The following ZFTRAF1 variants were observed in gnomAD, a reference collection of about 807,000 sequenced individuals.
The protein encoded by ZFTRAF1 is zinc finger TRAF-type-containing protein 1.
the ZFTRAF1 span, chr8:144,450,186 G>A: frequency 8.5e-5 from 48 of 567,580 alleles, 1 homozygote; most frequent in Non-Finnish European, 1.5e-4. Flanking sequence ...AGGGGAGGCA[G>A]GGGTCGGGGG....
At chr8:144,455,418 GAGA>G in the ZFTRAF1 span, 12 of 152,232 alleles carry the variant, frequency 7.9e-5, no homozygotes, top group African/African-American at 2.2e-4. Flanking sequence ...CTGCCCCCAG[GAGA>G]AGGTGTGAAA....
the ZFTRAF1 span, chr8:144,452,155 G>A: frequency 3.0e-6 from 2 of 665,628 alleles, no homozygotes; most frequent in South Asian, 1.7e-5. Context: ...GTGCACCTGG[G>A]GTCTGCCTCG....
the ZFTRAF1 span, chr8:144,452,109 A>T: frequency 1.8e-6 from 1 of 552,288 alleles, no homozygotes; most frequent in Admixed American, 2.9e-5. Flanking sequence ...GGTGGCGAGG[A>T]CAGGTGGGCG....
chr8:144,461,371 G>C, the ZFTRAF1 span, among the ~76,000 whole-genome samples: 6 of 152,306 alleles, frequency 3.9e-5, no homozygotes, highest in African/African-American at 1.4e-4. Flanking sequence ...AGGGAAGGTG[G>C]GGACACTGTA....
chr8:144,450,345 C>G, the ZFTRAF1 span: 1 of 702,370 alleles, frequency 1.4e-6, no homozygotes, highest in African/African-American at 1.8e-5. Flanking sequence ...TGGGATGCCG[C>G]CCGTGGGCTC....
chr8:144,454,181 CCCTG>C, the ZFTRAF1 span: 3 of 152,346 alleles, frequency 2.0e-5, no homozygotes, highest in African/African-American at 7.2e-5. Flanking sequence ...CCGCTGGGCT[CCCTG>C]CCTGTGTGGG....
At chr8:144,456,718 TGGGGGAGACATCAC>T in the ZFTRAF1 span, 2 of 149,252 alleles carry the variant, frequency 1.3e-5, no homozygotes, top group East Asian at 2.0e-4. Flanking sequence ...AATGACATCA[TGGGGGAGACATCAC>T]GGGAATGATA....
chr8:144,462,195 G>C, the ZFTRAF1 span: 5 of 447,298 alleles, frequency 1.1e-5, no homozygotes, highest in Admixed American at 9.2e-5. Context: ...CCGCAGGCCT[G>C]GCCTCCGAGG....
chr8:144,459,945 T>C, the ZFTRAF1 span, among the ~76,000 whole-genome samples: 4 of 152,194 alleles, frequency 2.6e-5, no homozygotes, highest in Admixed American at 2.0e-4. Flanking sequence ...TAGTAGAATA[T>C]GGTAGACTGA....
the ZFTRAF1 span, among the ~76,000 whole-genome samples, chr8:144,461,420 A>C: frequency 6.6e-6 from 1 of 152,158 alleles, no homozygotes; most frequent in Admixed American, 6.5e-5. Flanking sequence ...CCCTGCTGCT[A>C]CCTGGGAAAG....
chr8:144,461,257 G>A, the ZFTRAF1 span, among the ~76,000 whole-genome samples: 2 of 152,212 alleles, frequency 1.3e-5, no homozygotes, highest in African/African-American at 2.4e-5. Context: ...AGGGAAACAA[G>A]GCCCCATTAG....
the ZFTRAF1 span, among the ~76,000 whole-genome samples, chr8:144,458,428 C>T: frequency 6.6e-6 from 1 of 152,236 alleles, no homozygotes; most frequent in African/African-American, 2.4e-5. Context: ...CTGCCACTTT[C>T]CTCACCTCAA....
chr8:144,461,216 C>A, the ZFTRAF1 span, among the ~76,000 whole-genome samples: 1 of 152,212 alleles, frequency 6.6e-6, no homozygotes, highest in Non-Finnish European at 1.5e-5. Flanking sequence ...AAAAGTAGCT[C>A]CTCATCCAGG....
the ZFTRAF1 span, chr8:144,462,385 CGCCGCCTCG>C: frequency 9.4e-5 from 44 of 466,516 alleles, no homozygotes; most frequent in South Asian, 1.7e-4. Flanking sequence ...CCGCCGCCGC[CGCCGCCTCG>C]GCCGCCTCGG....
chr8:144,450,156 C>T, the ZFTRAF1 span: 1 of 542,140 alleles, frequency 1.8e-6, no homozygotes, highest in Non-Finnish European at 3.3e-6. Context: ...TCAGCCCAGC[C>T]TCTGGCGGCC....
chr8:144,451,043 C>T, the ZFTRAF1 span: 9 of 417,278 alleles, frequency 2.2e-5, no homozygotes, highest in Non-Finnish European at 1.3e-5. Context: ...CAGGCGTGCC[C>T]GACCCACGCT....
the ZFTRAF1 span, chr8:144,453,554 G>A: frequency 1.7e-5 from 20 of 1,172,094 alleles, no homozygotes; most frequent in Non-Finnish European, 6.0e-6. Context: ...CAGGTGTCCT[G>A]AGGGACTCCA....
the ZFTRAF1 span, chr8:144,453,115 A>G: frequency 1.0e-6 from 1 of 1,004,596 alleles, no homozygotes; most frequent in Non-Finnish European, 1.5e-6. Flanking sequence ...CAAGGCCCAG[A>G]CAGCAGAGAC....
chr8:144,452,735 G>A, the ZFTRAF1 span, among the ~76,000 whole-genome samples: 1 of 152,236 alleles, frequency 6.6e-6, no homozygotes, highest in East Asian at 1.9e-4. Flanking sequence ...CATGTGGAGA[G>A]AAAGGAGACA....
Sources: gnomAD v4.1 joint callset for allele counts (sites outside exome capture counted in the v4.1 genomes callset) on GRCh38, gnomAD v4.1.1 for gene constraint, MANE v1.5 for transcripts, NCBI Gene and HGNC (gene_info 2026-07-23, HGNC 2026-07-21) for gene names.